ENTREP2: variants seen among roughly 807,000 people sequenced by gnomAD.
ENTREP2 encodes the protein endosomal transmembrane epsin interactor 2, also known as protein ENTREP2.
At chr15:29,541,631 T>G in the ENTREP2 span, among the ~76,000 whole-genome samples, 1 of 152,092 alleles carries the variant, frequency 6.6e-6, no homozygotes, top group Admixed American at 6.5e-5. Flanking sequence ...CTCACACCCT[T>G]GTCTTAGAAA....
chr15:29,441,575 TAC>T, the ENTREP2 span, among the ~76,000 whole-genome samples: 2 of 152,224 alleles, frequency 1.3e-5, no homozygotes, highest in African/African-American at 2.4e-5. Flanking sequence ...TGTGAGAATA[TAC>T]GTTATGAATT....
At chr15:29,130,412 C>T in the ENTREP2 span, among the ~76,000 whole-genome samples, 4 of 152,248 alleles carry the variant, frequency 2.6e-5, no homozygotes, top group South Asian at 2.1e-4. Context: ...TCACAAAGAG[C>T]GAACAATGTC....
At chr15:29,368,373 CAT>C in the ENTREP2 span, among the ~76,000 whole-genome samples, 1 of 150,568 alleles carries the variant, frequency 6.6e-6, no homozygotes, top group Non-Finnish European at 1.5e-5. Flanking sequence ...ATATACATCT[CAT>C]ACACACACAT....
At chr15:29,591,832 GAGAAGAAGAAGAAGAAGAAGA>G in the ENTREP2 span, among the ~76,000 whole-genome samples, 2,671 of 140,188 alleles carry the variant, frequency 0.019, 49 homozygotes, top group African/African-American at 0.023. Flanking sequence ...CATCTCAAAA[GAGAAGAAGAAGAAGAAGAAGA>G]AGAAGAAGAA....
the ENTREP2 span, among the ~76,000 whole-genome samples, chr15:29,275,517 G>A: frequency 6.6e-6 from 1 of 152,152 alleles, no homozygotes; most frequent in Non-Finnish European, 1.5e-5. Flanking sequence ...AACACTTTAT[G>A]TTAATGACCT....
chr15:29,463,328 T>A, the ENTREP2 span, among the ~76,000 whole-genome samples: 1 of 151,944 alleles, frequency 6.6e-6, no homozygotes, highest in Non-Finnish European at 1.5e-5. Context: ...GGAGAAAGTA[T>A]CAGGAAAGGT....
At chr15:29,224,747 A>C in the ENTREP2 span, among the ~76,000 whole-genome samples, 1 of 152,164 alleles carries the variant, frequency 6.6e-6, no homozygotes, top group African/African-American at 2.4e-5. Flanking sequence ...TGGATCCGGC[A>C]CCGGGCCGCA....
chr15:29,359,350 T>A, the ENTREP2 span, among the ~76,000 whole-genome samples: 2 of 152,230 alleles, frequency 1.3e-5, no homozygotes, highest in East Asian at 3.8e-4. Flanking sequence ...ATCACACGTT[T>A]AAGAAAGGCA....
At chr15:29,423,631 C>CA in the ENTREP2 span, among the ~76,000 whole-genome samples, 35 of 139,438 alleles carry the variant, frequency 2.5e-4, no homozygotes, top group African/African-American at 8.3e-4. Context: ...ACTAAAAATA[C>CA]AAAAAAAAAA....
chr15:29,668,075 A>T, the ENTREP2 span, among the ~76,000 whole-genome samples: 1 of 152,196 alleles, frequency 6.6e-6, no homozygotes, highest in Non-Finnish European at 1.5e-5. Context: ...AAAGTGTCTT[A>T]AAAAAGTAAT....
At chr15:29,442,736 A>G in the ENTREP2 span, among the ~76,000 whole-genome samples, 1 of 152,328 alleles carries the variant, frequency 6.6e-6, no homozygotes. Flanking sequence ...CTGGAAAGTC[A>G]GCCTCAGCGA....
the ENTREP2 span, among the ~76,000 whole-genome samples, chr15:29,617,537 C>T: frequency 2.8e-4 from 42 of 152,342 alleles, 1 homozygote; most frequent in African/African-American, 9.6e-4. Context: ...GTGACATTAG[C>T]TGCTGCAACT....
chr15:29,419,715 T>C, the ENTREP2 span, among the ~76,000 whole-genome samples: 1 of 152,200 alleles, frequency 6.6e-6, no homozygotes, highest in Non-Finnish European at 1.5e-5. Flanking sequence ...ACGCACATAT[T>C]ACCTTCAAAG....
chr15:29,164,623 A>T, the ENTREP2 span, among the ~76,000 whole-genome samples: 9 of 152,330 alleles, frequency 5.9e-5, no homozygotes, highest in Admixed American at 6.5e-5. Flanking sequence ...CCAACAGGAA[A>T]ATATCATAAT....
chr15:29,324,404 C>A, the ENTREP2 span, among the ~76,000 whole-genome samples: 2 of 152,108 alleles, frequency 1.3e-5, no homozygotes, highest in Admixed American at 6.5e-5. Context: ...TTAACTACAT[C>A]AATCCAACTG....
the ENTREP2 span, among the ~76,000 whole-genome samples, chr15:29,590,512 G>A: frequency 6.6e-5 from 10 of 151,620 alleles, no homozygotes; most frequent in Admixed American, 4.6e-4. Context: ...GAGAAACCCC[G>A]TCTCTACTAA....
At chr15:29,158,134 C>G in the ENTREP2 span, among the ~76,000 whole-genome samples, 1 of 152,202 alleles carries the variant, frequency 6.6e-6, no homozygotes, top group Admixed American at 6.5e-5. Flanking sequence ...AAATGAATGC[C>G]TTTCTACAAA....
At chr15:29,291,665 T>C in the ENTREP2 span, among the ~76,000 whole-genome samples, 1 of 152,242 alleles carries the variant, frequency 6.6e-6, no homozygotes, top group South Asian at 2.1e-4. Flanking sequence ...TCCAAAATGC[T>C]GCTGACATTT....
At chr15:29,370,078 T>C in the ENTREP2 span, among the ~76,000 whole-genome samples, 1 of 152,206 alleles carries the variant, frequency 6.6e-6, no homozygotes, top group South Asian at 2.1e-4. Flanking sequence ...TATTCTGTTA[T>C]GGCAACATAC....
Sources: gnomAD v4.1 joint callset for allele counts (sites outside exome capture counted in the v4.1 genomes callset) on GRCh38, gnomAD v4.1.1 for gene constraint, MANE v1.5 for transcripts, NCBI Gene and HGNC (gene_info 2026-07-23, HGNC 2026-07-21) for gene names.